Variants in FAM178B observed in about 807,000 individuals in gnomAD.
FAM178B encodes protein FAM178B.
In FAM178B, 82 loss-of-function variants were observed where a neutral mutation model predicts 91.7. The ratio of observed to expected loss-of-function variants is 0.89; its 90% CI spans 0.75 to 1.07. The LOEUF (loss-of-function observed/expected upper bound fraction) is 1.07, where lower values mean the gene tolerates loss of function less well. Ranked by LOEUF, FAM178B falls within the 50% of genes least tolerant of loss-of-function variation. FAM178B has a pLI of 0.00. For missense variants in FAM178B, 769 were observed against 846.7 expected (o/e 0.91, Z 1.14); for synonymous variants, 368 against 359.4 (o/e 1.02, Z -0.27).
intron 5 of FAM178B, among the ~76,000 whole-genome samples, chr2:96,966,504 G>A (rs1296856427): frequency 3.2e-5 from 2 of 63,286 alleles, no homozygotes; most frequent in African/African-American, 1.2e-4. Context: ...CTGAAGCAGT[G>A]GGAAGGCAGA....
At chr2:96,883,616 T>C (rs1323626078) in intron 14 of FAM178B, among the ~76,000 whole-genome samples, 1 of 152,122 alleles carries the variant, frequency 6.6e-6, no homozygotes, top group African/African-American at 2.4e-5. Context: ...CTACTGTGTG[T>C]GTGTTGGGGG....
rs1326794747 is a variant in FAM178B, at chr2:96,981,743, A to AC, written c.73+4497_73+4498insG. The stretch of plus-strand genomic sequence containing the variant: ...GTGACAGAGTGAGACTCCGTCTCAA[A>AC]AAAAAAAAAAAAAAAAAAAGAAAGA... On this transcript the variant is annotated intron_variant, in intron 1 of 16. Coordinates refer to ENST00000490605, the MANE Select transcript of FAM178B (RefSeq NM_001122646.3). Among the ~76,000 whole-genome samples, 5 of 108,206 alleles carry AC rather than the reference A, an allele frequency of 4.6e-5. No individual in the cohort carries two copies. In the East Asian group the frequency reaches 1.2e-3, roughly 26 times the overall value. The allele number at this position is 108,206 out of a possible 152,430, so 71.0% of individuals were successfully genotyped here. A position where few individuals can be genotyped will look rare whatever the true frequency, so the allele number is the denominator to read the frequency against.
At chr2:96,881,379 G>A (rs1427481054) in intron 14 of FAM178B, among the ~76,000 whole-genome samples, 3 of 152,240 alleles carry the variant, frequency 2.0e-5, no homozygotes, top group East Asian at 3.9e-4. Flanking sequence ...GGGTTATCAG[G>A]GCCGTCACTG....
chr2:96,971,657 GCCA>G (rs2082219652), intron 3 of FAM178B, among the ~76,000 whole-genome samples: 1 of 152,162 alleles, frequency 6.6e-6, no homozygotes, highest in Non-Finnish European at 1.5e-5. Flanking sequence ...CGAATTTGTT[GCCA>G]CCCAAAGCCA....
intron 13 of FAM178B, 43 bp from the exon 14 acceptor site, chr2:96,894,094 C>T (rs1376354335): frequency 1.3e-6 from 2 of 1,568,680 alleles, no homozygotes; most frequent in Non-Finnish European, 1.7e-6. Context: ...AGGGTGGTGG[C>T]CAAGAGCTCA....
intron 6 of FAM178B, among the ~76,000 whole-genome samples, chr2:96,958,395 AG>A (rs2082030906): frequency 1.3e-5 from 2 of 152,090 alleles, no homozygotes; most frequent in South Asian, 4.1e-4. Context: ...AGACATCTAA[AG>A]AAAATTGAAG....
At chr2:96,938,341 T>G (rs953016458) in intron 8 of FAM178B, among the ~76,000 whole-genome samples, 4 of 152,146 alleles carry the variant, frequency 2.6e-5, no homozygotes, top group Admixed American at 2.0e-4. Context: ...AGGGTCCCCT[T>G]GTATAGGTGG....
chr2:96,887,791 G>GC (rs2080565598), intron 14 of FAM178B, among the ~76,000 whole-genome samples: 1 of 152,192 alleles, frequency 6.6e-6, no homozygotes, highest in Non-Finnish European at 1.5e-5. Flanking sequence ...CCCAGGTAGA[G>GC]TGTTAGGTTG....
intron 14 of FAM178B, among the ~76,000 whole-genome samples, chr2:96,886,627 G>C (rs1037531484): frequency 7.2e-5 from 11 of 152,220 alleles, no homozygotes. Context: ...TCCAGGATTT[G>C]TGTTTGTGTT....
At chr2:96,930,770 A>G (rs1009344103) in intron 8 of FAM178B, among the ~76,000 whole-genome samples, 1 of 152,184 alleles carries the variant, frequency 6.6e-6, no homozygotes, top group Non-Finnish European at 1.5e-5. Flanking sequence ...TAGCATCAAG[A>G]GGTGGGGCCT....
At chr2:96,885,267 T>C (rs997422579) in intron 14 of FAM178B, among the ~76,000 whole-genome samples, 5 of 152,222 alleles carry the variant, frequency 3.3e-5, no homozygotes, top group African/African-American at 9.7e-5. Flanking sequence ...GAGAGGTGGG[T>C]GTCTCTTTCC....
At chr2:96,936,443 T>C (rs545307580) in intron 8 of FAM178B, among the ~76,000 whole-genome samples, 164 of 151,042 alleles carry the variant, frequency 1.1e-3, no homozygotes, top group Admixed American at 5.1e-3. Context: ...CCTTGTGATC[T>C]GCCCGCCTTG....
At chr2:96,916,619 C>T (rs2081245117) in intron 12 of FAM178B, among the ~76,000 whole-genome samples, 1 of 152,214 alleles carries the variant, frequency 6.6e-6, no homozygotes, top group African/African-American at 2.4e-5. Flanking sequence ...ATGGCGCCAC[C>T]TCCCAAGGTG....
chr2:96,877,793 A>G, intron 16 of FAM178B, 97 bp downstream of exon 16: 1 of 1,238,680 alleles, frequency 8.1e-7, no homozygotes, highest in Non-Finnish European at 1.1e-6. Context: ...CCAGGAGCTC[A>G]GCAGCTGCAG....
chr2:96,916,572 G>A (rs1008491142), intron 12 of FAM178B, among the ~76,000 whole-genome samples: 1 of 152,206 alleles, frequency 6.6e-6, no homozygotes, highest in African/African-American at 2.4e-5. Flanking sequence ...AGTGGGGATG[G>A]CATGCTGCTC....
intron 12 of FAM178B, among the ~76,000 whole-genome samples, chr2:96,914,344 C>T (rs181076063): frequency 3.9e-5 from 6 of 152,184 alleles, no homozygotes; most frequent in South Asian, 4.2e-4. Context: ...TACCAACGTG[C>T]GGGCATGAGG....
intron 1 of FAM178B, among the ~76,000 whole-genome samples, chr2:96,982,619 A>T (rs552079065): frequency 1.3e-5 from 2 of 151,272 alleles, no homozygotes; most frequent in East Asian, 1.9e-4. Flanking sequence ...TGTAGACTGG[A>T]GTGCAATGTC....
intron 12 of FAM178B, 39 bp downstream of exon 12, chr2:96,921,126 C>T (rs2081330873): frequency 2.0e-6 from 3 of 1,498,912 alleles, no homozygotes; most frequent in East Asian, 2.5e-5. Flanking sequence ...CGAAGAGATG[C>T]GTGTGAGAGG....
intron 8 of FAM178B, among the ~76,000 whole-genome samples, chr2:96,930,210 CAAAAAAAAAA>C (rs60102987): frequency 2.0e-4 from 8 of 39,484 alleles, no homozygotes; most frequent in African/African-American, 9.5e-4. Context: ...TCCGTCTCTC[CAAAAAAAAAA>C]AAAAAAAAAA....
Sources: allele counts gnomAD v4.1 joint callset (sites outside exome capture counted in the v4.1 genomes callset), GRCh38; gene constraint gnomAD v4.1.1; transcripts MANE v1.5; gene names NCBI Gene and HGNC (gene_info 2026-07-23, HGNC 2026-07-21).